Variants in ANKRD27 observed in about 807,000 individuals in gnomAD.
ANKRD27 encodes ankyrin repeat domain 27.
In ANKRD27, 112 loss-of-function variants were observed where a neutral mutation model predicts 129.7. That is an observed-to-expected ratio of 0.86 (90% CI 0.74 to 1.01). The LOEUF (loss-of-function observed/expected upper bound fraction) is 1.01, where lower values mean the gene tolerates loss of function less well. ANKRD27 is among the 50% of genes least tolerant of loss of function. ANKRD27 has a pLI of 0.00. For missense variants in ANKRD27, 1,258 were observed against 1,300.5 expected, an observed-to-expected ratio of 0.97 and a Z score of 0.50; for synonymous variants, 516 against 511.2, an observed-to-expected ratio of 1.01 and a Z score of -0.13.
chr19:32,643,305 C>T lies in ANKRD27; in HGVS notation c.687G>A (p.Gly229=), dbSNP rs760032670. 9.3e-6 allele frequency: 15 copies of T among 1,613,992 alleles called. No homozygotes were observed. The South Asian group carries it at 1.5e-4, about 17-fold the overall frequency. ...EIYNLIFKYV[G]TMEASEDAAF... is the part of the protein sequence containing the mutation. ...AACCTACCTCACTTGCCTCCATGGTCCCCACGTATTTAAAGATCAGGTTGT... is the reference window on the plus strand; with the variant it reads ...AACCTACCTCACTTGCCTCCATGGTTCCCACGTATTTAAAGATCAGGTTGT... The change falls in exon 8 of 29, where the codon GGG becomes GGA. Residue 229 remains glycine (G), a synonymous_variant. Coordinates refer to ENST00000306065, the MANE Select transcript of ANKRD27 (RefSeq NM_032139.3).
rs146425140 is a variant in ANKRD27 at position 32,609,336 on chromosome 19, C to T, written c.2176-1504G>A. On this transcript the variant is annotated intron_variant, in intron 22 of 28. Transcript: ENST00000306065. ...AGGCCTGTAACTCCTAGGTGTTTAC[C>T]CACCAACGTATATATCCACACAAAG... Among the ~76,000 whole-genome samples the T allele has an allele frequency of 7.9e-3, 1,190 of 150,300 alleles. 6 individuals are homozygous for T. Among genetic ancestry groups the T allele is most frequent in the Non-Finnish European group, 0.012 (823 of 67,984 alleles).
At chr19:32,629,109 C>T (rs965913723) in intron 13 of ANKRD27, among the ~76,000 whole-genome samples, 7 of 152,056 alleles carry the variant, frequency 4.6e-5, no homozygotes, top group Admixed American at 3.9e-4. Context: ...TTAGTAGACA[C>T]GGGGTTTTGC....
Position 32,604,364 on chromosome 19 carries a change from T to C in ANKRD27, c.2554A>G (p.Ile852Val). 6.2e-7 allele frequency: 1 copy of C among 1,613,760 alleles called. No individual in the cohort carries two copies. The highest frequency in any genetic ancestry group is 1.1e-5 in the South Asian group (1 of 91,066). ...TCTACCACGAAGACGTGCTTTTCAA[T>C]CACAGCCTCGTGCAGCGCTGTGTTG... ...KGNTALHEAV[I>V]EKHVFVVELL... Residue 852 changes from isoleucine to valine, a missense_variant, in exon 25 of 29, where the codon ATT (isoleucine) becomes GTT (valine). By Grantham distance (29) the Ile-to-Val change is conservative. Transcript: ENST00000306065.
intron 28 of ANKRD27, 31 bp from the exon 29 acceptor site, chr19:32,598,409 C>T (rs769669461): frequency 1.6e-5 from 26 of 1,605,244 alleles, no homozygotes; most frequent in Admixed American, 1.3e-4. Context: ...TAACCGTTGA[C>T]GTCCTCACTG....
At chr19:32,643,063 C>A (rs148120623) in intron 9 of ANKRD27, 60 bp downstream of exon 9, 2 of 1,554,678 alleles carry the variant, frequency 1.3e-6, no homozygotes, top group Non-Finnish European at 1.8e-6. Flanking sequence ...GGCCTGCTTC[C>A]GGGAGAAGAC....
intron 1 of ANKRD27, among the ~76,000 whole-genome samples, chr19:32,663,416 T>A (rs2145322647): frequency 6.6e-6 from 1 of 152,362 alleles, no homozygotes; most frequent in East Asian, 1.9e-4. Flanking sequence ...TCCTTTCCAA[T>A]TTCAAAGCCA....
At chr19:32,664,055 C>CA (rs869264224) in intron 1 of ANKRD27, among the ~76,000 whole-genome samples, 3,173 of 30,998 alleles carry the variant, frequency 0.1, 220 homozygotes, top group African/African-American at 0.16. Flanking sequence ...GACTCTGTCT[C>CA]AAAAAAAAAA....
chr19:32,650,164 C>T (rs1176914222), intron 2 of ANKRD27, among the ~76,000 whole-genome samples: 1 of 152,158 alleles, frequency 6.6e-6, no homozygotes, highest in African/African-American at 2.4e-5. Flanking sequence ...GTTATAAGGA[C>T]CCAGGGGCTC....
intron 1 of ANKRD27, among the ~76,000 whole-genome samples, chr19:32,668,879 T>G (rs939538068): frequency 6.6e-6 from 1 of 152,082 alleles, no homozygotes; most frequent in African/African-American, 2.4e-5. Flanking sequence ...ATCTTAATGC[T>G]CACAATAACT....
Position 32,640,353 on chromosome 19 carries a change from G to A in ANKRD27, c.937C>T (p.Leu313=), listed in dbSNP as rs1476867880. 3 of 1,613,880 alleles carry A rather than the reference G, an allele frequency of 1.9e-6. No individual in the cohort carries two copies. The African/African-American group carries it at 4.0e-5, about 22-fold the overall frequency. ...NLETMCADDL[L]SVLLYLLVKT... ...ACAAGCAAGTATAACAGGACTGATA[G>A]CAGATCATCAGCACACATGGTCTCC... The change falls in exon 11 of 29, where the codon CTA becomes TTA. Residue 313 remains leucine, a synonymous_variant. Coordinates refer to ENST00000306065, the MANE Select transcript of ANKRD27 (RefSeq NM_032139.3).
intron 1 of ANKRD27, among the ~76,000 whole-genome samples, chr19:32,660,839 C>T (rs971433918): frequency 6.6e-6 from 1 of 152,164 alleles, no homozygotes; most frequent in African/African-American, 2.4e-5. Context: ...ATGTCTTTTG[C>T]TCACTTTCCC....
At position 32,644,311 on chromosome 19, in the gene ANKRD27, G is replaced by T; in HGVS notation, c.525+14C>A. On this transcript the variant is annotated intron_variant, in intron 5 of 28. Transcript: ENST00000306065. ...GACAGGGCACGCCAGGCAGAGGACA[G>T]CACGGCTACTGACTATGTGGTGACG... 6.2e-7 allele frequency: 1 copy of T among 1,609,504 alleles called. No homozygotes were observed. Among genetic ancestry groups the T allele is most frequent in the South Asian group, 1.1e-5 (1 of 90,974 alleles).
rs1345184070 is a variant in ANKRD27, at chr19:32,633,333, T to G, written c.1117-1839A>C. 2.7e-3 allele frequency among the ~76,000 whole-genome samples: 73 copies of G among 27,504 alleles called. No homozygotes were observed. The South Asian group carries it at 0.043, about 16-fold the overall frequency. The allele number at this position is 27,504 out of a possible 152,430, so 18.0% of individuals were successfully genotyped here. On this transcript the variant is annotated intron_variant, in intron 12 of 28. Transcript: ENST00000306065. ...GGTTCTTTCTTGTTTTTTTATCTGT[T>G]TTTTTTTTTTTTTTTTTGAGACGGG...
intron 25 of ANKRD27, among the ~76,000 whole-genome samples, chr19:32,602,819 G>A (rs981784661): frequency 1.3e-5 from 2 of 151,872 alleles, no homozygotes; most frequent in Admixed American, 1.3e-4. Context: ...GCGCCCAAAG[G>A]TTAAGGCTGC....
intron 5 of ANKRD27, 180 bp from the exon 6 acceptor site, chr19:32,643,811 C>T (rs1967249491): frequency 2.4e-5 from 15 of 624,378 alleles, no homozygotes; most frequent in Non-Finnish European, 4.3e-5. Context: ...GAAACTTCCC[C>T]TTGGGGTTAA....
intron 3 of ANKRD27, among the ~76,000 whole-genome samples, chr19:32,648,968 G>GTTT (rs67248583): frequency 4.5e-4 from 57 of 126,346 alleles, no homozygotes; most frequent in Non-Finnish European, 7.6e-4. Flanking sequence ...TTTTGGGTTT[G>GTTT]TTTTTTTTTT....
At chr19:32,666,416 G>A (rs1025362246) in intron 1 of ANKRD27, 6 of 152,200 alleles carry the variant, frequency 3.9e-5, no homozygotes, top group African/African-American at 1.2e-4. Flanking sequence ...ACGGCCAAAA[G>A]AAGATTACAG....
intron 10 of ANKRD27, among the ~76,000 whole-genome samples, chr19:32,640,821 T>C (rs1173612452): frequency 6.6e-6 from 1 of 152,174 alleles, no homozygotes; most frequent in Non-Finnish European, 1.5e-5. Context: ...AGAGGATCAC[T>C]TGAGCCCAGG....
rs1482365812 is a variant in ANKRD27 at position 32,660,431 on chromosome 19, T to C, written c.-30-1386A>G. Among the ~76,000 whole-genome samples, 17 of 152,154 alleles carry C rather than the reference T, an allele frequency of 1.1e-4. 1 individual carries two copies. Among genetic ancestry groups the C allele is most frequent in the Admixed American group, 1.1e-3 (17 of 15,264 alleles). On this transcript the variant is annotated intron_variant, in intron 1 of 28. Coordinates refer to ENST00000306065, the MANE Select transcript of ANKRD27 (RefSeq NM_032139.3). The stretch of plus-strand genomic sequence containing the variant: ...GGTGGTGCATGCCTATAGTCCCAGC[T>C]TGGGACTGCCCAGGAGGCAGAGGTT...
Sources: allele counts gnomAD v4.1 joint callset (sites outside exome capture counted in the v4.1 genomes callset), GRCh38; gene constraint gnomAD v4.1.1; transcripts MANE v1.5; gene names NCBI Gene and HGNC (gene_info 2026-07-23, HGNC 2026-07-21).